Variants in RTTN observed in about 807,000 individuals in gnomAD.
The protein encoded by RTTN is rotatin.
RTTN carries 182 observed loss-of-function variants against 269.2 expected under a neutral mutation model. That is an observed-to-expected ratio of 0.68 (90% CI 0.60 to 0.76). The LOEUF (loss-of-function observed/expected upper bound fraction) is 0.76. Ranked by LOEUF, RTTN falls within the 30% of genes least tolerant of loss-of-function variation. RTTN has a pLI of 0.00. For missense variants in RTTN, 2,545 were observed against 2,608.6 expected (o/e 0.98, Z 0.53); for synonymous variants, 1,006 against 963.5 (o/e 1.04, Z -0.82).
intron 24 of RTTN, 114 bp from the exon 25 acceptor site, chr18:70,127,855 C>A: frequency 1.0e-6 from 1 of 992,636 alleles, no homozygotes; most frequent in Non-Finnish European, 1.4e-6. Context: ...TTTCTTTTAA[C>A]AAAAGGTTGA....
At chr18:70,152,514 A>G (rs1316267406) in intron 14 of RTTN, among the ~76,000 whole-genome samples, 1 of 152,190 alleles carries the variant, frequency 6.6e-6, no homozygotes, top group African/African-American at 2.4e-5. Flanking sequence ...AATTATTAGC[A>G]TTAGCATTAT....
intron 27 of RTTN, 74 bp from the exon 28 acceptor site, chr18:70,109,791 A>G: frequency 1.7e-6 from 2 of 1,191,664 alleles, no homozygotes; most frequent in Non-Finnish European, 2.4e-6. Flanking sequence ...TACTGGCTAT[A>G]AAAGGTTACT....
chr18:70,016,776 A>G (rs1468840941), intron 46 of RTTN, among the ~76,000 whole-genome samples: 3 of 151,770 alleles, frequency 2.0e-5, no homozygotes, highest in African/African-American at 4.8e-5. Flanking sequence ...ATCTCTCTCA[A>G]TCATCAAATA....
intron 28 of RTTN, among the ~76,000 whole-genome samples, chr18:70,093,355 A>G (rs904754503): frequency 2.0e-5 from 3 of 151,878 alleles, no homozygotes; most frequent in African/African-American, 4.8e-5. Flanking sequence ...GCATCCTTTT[A>G]AAGAGTTTAT....
Position 70,199,058 on chromosome 18 carries a change from G to A in RTTN, c.578+356C>T, listed in dbSNP as rs140520004. Among the ~76,000 whole-genome samples the A allele has an allele frequency of 1.4e-3, 211 of 152,204 alleles. 4 individuals carry two copies. Among genetic ancestry groups the A allele is most frequent in the South Asian group, 8.3e-3 (40 of 4,820 alleles). Reference sequence around the variant, plus strand: ...AAAAATTAGCTCAGCGTGGTGGTGCGTGCCTGTAATTCCAGCTACTCAGGA... The same window carrying A: ...AAAAATTAGCTCAGCGTGGTGGTGCATGCCTGTAATTCCAGCTACTCAGGA... On this transcript the variant is annotated intron_variant, in intron 5 of 48. Coordinates refer to ENST00000640769, the MANE Select transcript of RTTN (RefSeq NM_173630.4).
In RTTN at chr18:70,109,697, T is replaced by C. The variant is rs1185179001; in HGVS notation, c.3704A>G (p.Tyr1235Cys). 9.3e-6 allele frequency: 15 copies of C among 1,613,720 alleles called. No individual in the cohort carries two copies. Among genetic ancestry groups the C allele is most frequent in the Non-Finnish European group, 1.2e-5 (14 of 1,179,980 alleles). ...VTDRKCSELL[Y>C]VFQTQLALKL... ...CAGAGCCAGCTGCGTTTGAAAAACG[T>C]AAAGAAGTTCCGAGCATTTCCTATG... Residue 1235 changes from tyrosine to cysteine, a missense_variant, in exon 28 of 49, where the codon TAC (tyrosine) becomes TGC (cysteine). Tyr to Cys is a radical substitution (Grantham distance 194, BLOSUM62 -2). Transcript: ENST00000640769.
intron 4 of RTTN, among the ~76,000 whole-genome samples, chr18:70,201,620 A>AAC (rs1361837857): frequency 6.7e-6 from 1 of 149,612 alleles, no homozygotes; most frequent in Non-Finnish European, 1.5e-5. Context: ...AAAAAAAAAA[A>AAC]AAAAAAAAAA....
intron 48 of RTTN, among the ~76,000 whole-genome samples, chr18:70,004,617 T>TAA (rs199608325): frequency 1.4e-5 from 2 of 146,448 alleles, no homozygotes; most frequent in African/African-American, 5.0e-5. Context: ...CTCCCCTGCT[T>TAA]AAAAAAAAAA....
Position 70,075,473 on chromosome 18 carries a change from TA to T in RTTN, c.4442del (p.Leu1481TyrfsTer10). On this transcript the variant is annotated frameshift_variant, in exon 33 of 49. Coordinates refer to ENST00000640769, the MANE Select transcript of RTTN (RefSeq NM_173630.4). LOFTEE classifies it high-confidence loss of function. ...AATGTTCATAAAAATGGCAGTGATA[TA>T]AAAGAGCCTGAAGGGCAGGTTTTCC... is the stretch of plus-strand genomic sequence containing the variant. ...LIGKPALQALLYHCHFYEHLN... is the reference protein window; with the variant it reads ...LIGKPALQALXYHCHFYEHLN... The T allele has an allele frequency of 6.2e-7, 1 of 1,608,796 alleles. No individual in the cohort carries two copies. Among genetic ancestry groups the T allele is most frequent in the Non-Finnish European group, 8.5e-7 (1 of 1,177,736 alleles).
In RTTN at chr18:70,134,725, G is replaced by A. The variant is rs147260916; in HGVS notation, c.2886-184C>T. The stretch of plus-strand genomic sequence containing the variant: ...GATTTGCTTATGAAGAGTAAATTAT[G>A]TTTTAAAAAAAAATTCCACATAACA... On this transcript the variant is annotated intron_variant, in intron 22 of 48. Transcript: ENST00000640769. Among the ~76,000 whole-genome samples, 3,361 of 152,128 alleles carry A rather than the reference G, an allele frequency of 0.022. 112 individuals carry two copies. Among genetic ancestry groups the A allele is most frequent in the South Asian group, 0.16 (750 of 4,814 alleles).
At chr18:70,178,333 CA>C (rs564047235) in intron 10 of RTTN, among the ~76,000 whole-genome samples, 149 of 152,240 alleles carry the variant, frequency 9.8e-4, no homozygotes, top group Middle Eastern at 6.8e-3. Flanking sequence ...AAGCCAAATA[CA>C]AAAGTAAAAT....
intron 32 of RTTN, among the ~76,000 whole-genome samples, chr18:70,079,228 A>G (rs2058502171): frequency 6.6e-6 from 1 of 152,158 alleles, no homozygotes; most frequent in Non-Finnish European, 1.5e-5. Flanking sequence ...TTACTTGAAA[A>G]AAAAATTTCT....
chr18:70,092,237 G>GA lies in RTTN; in HGVS notation c.4033-18dup, dbSNP rs774366929. On this transcript the variant is annotated splice_polypyrimidine_tract_variant and intron_variant, in intron 29 of 48. Coordinates refer to ENST00000640769, the MANE Select transcript of RTTN (RefSeq NM_173630.4). ...CATCCACTCCTAGAGGGAAAAAAGG[G>GA]AAACAGAAATATTTGAGGTAAGTTT... 11 of 1,460,608 alleles carry GA rather than the reference G, an allele frequency of 7.5e-6. No homozygotes were observed. The African/African-American group carries it at 1.4e-4, about 18-fold the overall frequency. 90.5% of individuals were successfully genotyped at this position (1,460,608 alleles called of 1,614,324 possible).
chr18:70,112,159 T>C (rs1482444331), intron 27 of RTTN, among the ~76,000 whole-genome samples: 2 of 152,098 alleles, frequency 1.3e-5, no homozygotes, highest in Non-Finnish European at 2.9e-5. Flanking sequence ...AAGGAAGCAC[T>C]AAATATGGAA....
chr18:70,096,855 C>T lies in RTTN; in HGVS notation c.3904-4051G>A, dbSNP rs1419045309. Among the ~76,000 whole-genome samples, 11 of 152,184 alleles carry T rather than the reference C, an allele frequency of 7.2e-5. No individual in the cohort carries two copies. The East Asian group carries it at 1.2e-3, about 16-fold the overall frequency. On this transcript the variant is annotated intron_variant, in intron 28 of 48. Transcript: ENST00000640769. ...GGAGATCCACTGCTCTCTTCAGAGC[C>T]GGCAGGCAAGAATATTTAAGTTTGC...
intron 16 of RTTN, 132 bp downstream of exon 16, chr18:70,149,839 T>C: frequency 1.4e-6 from 1 of 700,102 alleles, no homozygotes; most frequent in South Asian, 1.5e-5. Context: ...TCCTGTTCAC[T>C]TATCCCCAGC....
chr18:70,169,552 T>G (rs2061083465), intron 11 of RTTN, among the ~76,000 whole-genome samples: 1 of 152,210 alleles, frequency 6.6e-6, no homozygotes, highest in Non-Finnish European at 1.5e-5. Flanking sequence ...AGCTATAGAT[T>G]GATTTGAACA....
intron 29 of RTTN, 35 bp from the exon 30 acceptor site, chr18:70,092,255 G>C (rs750415176): frequency 1.5e-6 from 2 of 1,310,698 alleles, no homozygotes; most frequent in Non-Finnish European, 1.1e-6. Flanking sequence ...AATATTTGAG[G>C]TAAGTTTCTA....
chr18:70,164,016 C>T (rs556137450), intron 14 of RTTN, among the ~76,000 whole-genome samples: 5 of 152,008 alleles, frequency 3.3e-5, no homozygotes, highest in Non-Finnish European at 5.9e-5. Flanking sequence ...CTAGGGACCT[C>T]AAATTCATAG....
Sources: gnomAD v4.1 joint callset for allele counts (sites outside exome capture counted in the v4.1 genomes callset) on GRCh38, gnomAD v4.1.1 for gene constraint, MANE v1.5 for transcripts, NCBI Gene and HGNC (gene_info 2026-07-23, HGNC 2026-07-21) for gene names.